Variants in CSMD1 observed in about 807,000 individuals in gnomAD.
CSMD1 encodes the protein CUB and Sushi multiple domains 1.
Under a neutral mutation model 417.5 loss-of-function variants are expected in CSMD1, and 213 were observed. The ratio of observed to expected loss-of-function variants is 0.51; its 90% CI spans 0.46 to 0.57. The LOEUF (loss-of-function observed/expected upper bound fraction) is 0.57, where lower values mean the gene tolerates loss of function less well. Ranked by LOEUF, CSMD1 falls within the 20% of genes least tolerant of loss-of-function variation. The pLI is 0.00. For missense variants in CSMD1, 6,923 were observed against 4,529.7 expected, an observed-to-expected ratio of 1.53 and a Z score of -15.17; for synonymous variants, 2,862 against 1,736.8, an observed-to-expected ratio of 1.65 and a Z score of -16.11.
chr8:3,926,082 T>TAC (rs58966907), intron 5 of CSMD1, among the ~76,000 whole-genome samples: 1,268 of 103,918 alleles, frequency 0.012, 20 homozygotes, highest in Middle Eastern at 0.024. Flanking sequence ...ACAAACACCA[T>TAC]ACACACACAC....
At chr8:4,052,602 T>A (rs1677358339) in intron 3 of CSMD1, among the ~76,000 whole-genome samples, 1 of 152,128 alleles carries the variant, frequency 6.6e-6, no homozygotes, top group African/African-American at 2.4e-5. Context: ...CTCCATATAA[T>A]TTAAGTATTT....
intron 11 of CSMD1, among the ~76,000 whole-genome samples, chr8:3,484,027 C>A (rs1057161958): frequency 6.6e-6 from 1 of 152,190 alleles, no homozygotes. Context: ...ATTCCTATCA[C>A]AATCCCAGCA....
chr8:4,778,684 C>T (rs893199816), intron 1 of CSMD1, among the ~76,000 whole-genome samples: 14 of 152,316 alleles, frequency 9.2e-5, no homozygotes, highest in African/African-American at 3.1e-4. Context: ...CTGAGTAGCA[C>T]TGTCCAATCA....
chr8:3,736,538 G>A (rs376946868), intron 6 of CSMD1, among the ~76,000 whole-genome samples: 60 of 152,286 alleles, frequency 3.9e-4, no homozygotes, highest in Middle Eastern at 3.4e-3. Context: ...GACCACATGA[G>A]TAGAATATCA....
At chr8:4,297,602 G>T (rs909515415) in intron 3 of CSMD1, among the ~76,000 whole-genome samples, 3 of 152,064 alleles carry the variant, frequency 2.0e-5, no homozygotes, top group African/African-American at 4.8e-5. Context: ...TTCCTGTAAG[G>T]CTAAGATAGC....
intron 3 of CSMD1, among the ~76,000 whole-genome samples, chr8:4,283,788 A>G (rs892305342): frequency 2.8e-4 from 1 of 3,620 alleles, no homozygotes; most frequent in Non-Finnish European, 3.9e-3. Context: ...AAGGAGAATA[A>G]AAAAAAAAAT....
chr8:3,017,250 G>A (rs897247874), intron 52 of CSMD1, among the ~76,000 whole-genome samples: 2 of 152,176 alleles, frequency 1.3e-5, no homozygotes, highest in Non-Finnish European at 2.9e-5. Flanking sequence ...CCAAGCTCCA[G>A]GCAGAAGAGC....
chr8:4,600,400 C>G (rs1800519165), intron 2 of CSMD1, among the ~76,000 whole-genome samples: 1 of 152,120 alleles, frequency 6.6e-6, no homozygotes, highest in Non-Finnish European at 1.5e-5. Flanking sequence ...AATATGAAAG[C>G]ATAGCTACAG....
intron 5 of CSMD1, among the ~76,000 whole-genome samples, chr8:3,805,814 C>A (rs967959810): frequency 3.9e-5 from 6 of 152,234 alleles, no homozygotes; most frequent in African/African-American, 1.4e-4. Flanking sequence ...GCAGAATTAC[C>A]ATTCAAGCCT....
chr8:4,100,839 G>C (rs568257175), intron 3 of CSMD1, among the ~76,000 whole-genome samples: 2 of 152,112 alleles, frequency 1.3e-5, no homozygotes, highest in African/African-American at 4.8e-5. Context: ...AACTGTAAAA[G>C]CAAGAGCCTC....
chr8:4,309,219 A>G (rs77440429), intron 3 of CSMD1, among the ~76,000 whole-genome samples: 5 of 151,556 alleles, frequency 3.3e-5, no homozygotes, highest in African/African-American at 9.7e-5. Context: ...GTTTGATATT[A>G]CCGTTAAGTG....
At chr8:3,695,537 T>C (rs1800503455) in intron 7 of CSMD1, among the ~76,000 whole-genome samples, 1 of 152,138 alleles carries the variant, frequency 6.6e-6, no homozygotes, top group Admixed American at 6.5e-5. Context: ...TAATATAATA[T>C]TTGCTAATTG....
At chr8:4,046,050 T>C (rs1423510786) in intron 3 of CSMD1, among the ~76,000 whole-genome samples, 1 of 152,162 alleles carries the variant, frequency 6.6e-6, no homozygotes, top group Non-Finnish European at 1.5e-5. Flanking sequence ...GCAGATTAGA[T>C]TTTAAAATCA....
chr8:4,250,322 G>C (rs1585097023), intron 3 of CSMD1, among the ~76,000 whole-genome samples: 1 of 152,186 alleles, frequency 6.6e-6, no homozygotes, highest in Non-Finnish European at 1.5e-5. Flanking sequence ...ATTTTCCATA[G>C]CTGTGCAAGC....
At chr8:4,558,377 A>G (rs892824288) in intron 2 of CSMD1, among the ~76,000 whole-genome samples, 5 of 152,206 alleles carry the variant, frequency 3.3e-5, no homozygotes, top group Admixed American at 6.5e-5. Context: ...CACCATCACT[A>G]AAACGTATTT....
intron 12 of CSMD1, among the ~76,000 whole-genome samples, chr8:3,458,141 C>T (rs952540816): frequency 3.3e-5 from 5 of 152,156 alleles, no homozygotes; most frequent in Non-Finnish European, 5.9e-5. Context: ...TACATCTTAT[C>T]TCAGTTTACT....
chr8:3,630,692 G>C (rs1227721262), intron 7 of CSMD1, among the ~76,000 whole-genome samples: 1 of 151,178 alleles, frequency 6.6e-6, no homozygotes, highest in Non-Finnish European at 1.5e-5. Context: ...AAATGTGTGA[G>C]TGGTTTGCTT....
At chr8:4,711,453 G>A (rs780256822) in intron 1 of CSMD1, among the ~76,000 whole-genome samples, 7 of 152,030 alleles carry the variant, frequency 4.6e-5, no homozygotes, top group Admixed American at 4.6e-4. Flanking sequence ...AAACAAAGGT[G>A]TGAAAGTACC....
At chr8:3,741,166 A>G (rs1584930523) in intron 6 of CSMD1, among the ~76,000 whole-genome samples, 2 of 141,806 alleles carry the variant, frequency 1.4e-5, no homozygotes, top group South Asian at 2.4e-4. Context: ...GTGAGCTGAG[A>G]TCGTGCTATT....
Sources: allele counts gnomAD v4.1 joint callset (sites outside exome capture counted in the v4.1 genomes callset), GRCh38; gene constraint gnomAD v4.1.1; transcripts MANE v1.5; gene names NCBI Gene and HGNC (gene_info 2026-07-23, HGNC 2026-07-21).